ARHGAP8: variants seen among roughly 807,000 people sequenced by gnomAD.
The protein encoded by ARHGAP8 is Rho GTPase activating protein 8.
In ARHGAP8, 62 loss-of-function variants were observed where a neutral mutation model predicts 46.1. The observed-to-expected ratio is 1.34, with a 90% CI of 1.10 to 1.66. The LOEUF is 1.66. ARHGAP8 is among the 40% of genes most tolerant of loss of function. The pLI is 0.00. For missense variants in ARHGAP8, 923 were observed against 568.4 expected (o/e 1.62, Z -6.34); for synonymous variants, 375 against 243.1 (o/e 1.54, Z -5.05).
chr22:44,814,284 T>C (rs905323287), intron 4 of ARHGAP8, among the ~76,000 whole-genome samples: 1 of 152,186 alleles, frequency 6.6e-6, no homozygotes, highest in Non-Finnish European at 1.5e-5. Flanking sequence ...GTGAGCTCCT[T>C]CTAGCCCAGG....
At chr22:44,850,151 C>T (rs1013706521) in intron 10 of ARHGAP8, 2 of 152,178 alleles carry the variant, frequency 1.3e-5, no homozygotes, top group African/African-American at 4.8e-5. Flanking sequence ...ACCCCAAACT[C>T]CCCTCAAAGG....
chr22:44,756,743 T>G (rs1924714880), intron 1 of ARHGAP8, among the ~76,000 whole-genome samples: 1 of 151,912 alleles, frequency 6.6e-6, no homozygotes, highest in Admixed American at 6.6e-5. Context: ...AAAAATTATT[T>G]TTTCCTCCAG....
At chr22:44,753,225 CTTT>C (rs529491341) in intron 1 of ARHGAP8, among the ~76,000 whole-genome samples, 8 of 140,692 alleles carry the variant, frequency 5.7e-5, no homozygotes, top group Admixed American at 7.1e-5. Flanking sequence ...AAAGCAGAAA[CTTT>C]TTTTTTTTTT....
intron 2 of ARHGAP8, among the ~76,000 whole-genome samples, chr22:44,792,810 G>C (rs987783861): frequency 3.6e-5 from 5 of 138,222 alleles, no homozygotes; most frequent in Non-Finnish European, 7.7e-5. Context: ...TGGTGGTGGT[G>C]GTTTTTTTTG....
chr22:44,757,804 AATTT>A (rs1924803082), intron 1 of ARHGAP8, among the ~76,000 whole-genome samples: 1 of 65,212 alleles, frequency 1.5e-5, no homozygotes, highest in Middle Eastern at 6.0e-3. Flanking sequence ...ATGCCTGGCT[AATTT>A]TTTTTTTTTT....
rs1459599928 is a variant in ARHGAP8, at chr22:44,839,954, A to G, written c.597-5315A>G. 2.6e-5 allele frequency among the ~76,000 whole-genome samples: 4 copies of G among 152,250 alleles called. No individual in the cohort carries two copies. The East Asian group carries it at 7.7e-4, about 29-fold the overall frequency. On this transcript the variant is annotated intron_variant, in intron 7 of 11. Transcript: ENST00000356099. ...TGGTGGCTGGCTAGGATCATCCAAG[A>G]CATGCCTTATGTTCCTGCACCTCTG...
chr22:44,782,920 C>T (rs767495828), intron 1 of ARHGAP8, among the ~76,000 whole-genome samples: 4 of 152,184 alleles, frequency 2.6e-5, no homozygotes, highest in Non-Finnish European at 5.9e-5. Flanking sequence ...CGCTTTAGCA[C>T]TGAAACATCA....
rs10427697 is a variant in ARHGAP8, at chr22:44,804,700, C to A, written c.167+2536C>A. On this transcript the variant is annotated intron_variant, in intron 3 of 11. Transcript: ENST00000356099. ...AGCCAAGGGACTCAGGGAGTGGGCT[C>A]GACCTGGAACCCCCAACTCAAGATG... Among the ~76,000 whole-genome samples, 679 of 152,082 alleles carry A rather than the reference C, an allele frequency of 4.5e-3. 11 individuals are homozygous for A. The highest frequency in any genetic ancestry group is 0.016 in the African/African-American group (643 of 41,478).
chr22:44,816,241 G>A (rs909678086), intron 5 of ARHGAP8, among the ~76,000 whole-genome samples: 2 of 152,128 alleles, frequency 1.3e-5, no homozygotes, highest in African/African-American at 4.8e-5. Context: ...GTGACGCTCC[G>A]TGTACAGGGA....
At chr22:44,783,664 G>C (rs1189603096) in intron 1 of ARHGAP8, among the ~76,000 whole-genome samples, 1 of 152,174 alleles carries the variant, frequency 6.6e-6, no homozygotes, top group Non-Finnish European at 1.5e-5. Context: ...AGTGGCTGCC[G>C]CAGCAGGTCC....
intron 10 of ARHGAP8, among the ~76,000 whole-genome samples, chr22:44,851,910 G>T (rs2070103647): frequency 6.6e-6 from 1 of 151,964 alleles, no homozygotes; most frequent in Admixed American, 6.6e-5. Context: ...AAGAAAATGG[G>T]CCGGGTGCAG....
At chr22:44,845,981 A>G (rs1290833507) in intron 8 of ARHGAP8, among the ~76,000 whole-genome samples, 1 of 151,644 alleles carries the variant, frequency 6.6e-6, no homozygotes, top group Non-Finnish European at 1.5e-5. Context: ...GCTGCAGCGC[A>G]GATGCGTGGG....
At chr22:44,853,883 C>T (rs974602751) in intron 10 of ARHGAP8, among the ~76,000 whole-genome samples, 2 of 151,704 alleles carry the variant, frequency 1.3e-5, no homozygotes, top group African/African-American at 4.8e-5. Flanking sequence ...CAGAATTAGC[C>T]AGGCATGGTG....
chr22:44,860,453 C>G (rs2070418934), intron 11 of ARHGAP8, among the ~76,000 whole-genome samples: 1 of 152,038 alleles, frequency 6.6e-6, no homozygotes, highest in African/African-American at 2.4e-5. Flanking sequence ...TGTCTAATCT[C>G]CCTCCACCTT....
intron 2 of ARHGAP8, 117 bp from the exon 3 acceptor site, chr22:44,801,960 T>G: frequency 8.2e-7 from 1 of 1,214,462 alleles, no homozygotes. Context: ...CGAGGAACGC[T>G]GCTGCCTGTG....
At position 44,786,472 on chromosome 22, in the gene ARHGAP8, AGGC is replaced by A. The variant is rs764288968; in HGVS notation, c.-46_-44del. 5 of 1,605,908 alleles carry A rather than the reference AGGC, an allele frequency of 3.1e-6. No homozygotes were observed. Among genetic ancestry groups the A allele is most frequent in the East Asian group, 2.3e-5 (1 of 44,340 alleles). On this transcript the variant is annotated 5_prime_UTR_variant, in exon 2 of 12. Coordinates refer to ENST00000356099, the MANE Select transcript of ARHGAP8 (RefSeq NM_181335.3). ...TTTGCCGCAGAGCTGCAGAGAGACA[AGGC>A]GGCGGCGGCTGCTGTGCTGGGTGCA... is the stretch of plus-strand genomic sequence containing the variant.
chr22:44,839,002 G>T (rs1242655175), intron 7 of ARHGAP8, among the ~76,000 whole-genome samples: 2 of 152,194 alleles, frequency 1.3e-5, no homozygotes, highest in Non-Finnish European at 2.9e-5. Flanking sequence ...AAGGAAACTG[G>T]CCGGTGGTGA....
chr22:44,822,421 A>G lies in ARHGAP8; in HGVS notation c.437A>G (p.His146Arg). ...TATTTCAACTACCTGAGTGAGCTCC[A>G]CGAACACCTTAAATACGACCAGCTG... is the stretch of plus-strand genomic sequence containing the variant. ...VIYFNYLSEL[H>R]EHLKYDQLVI... Residue 146 changes from histidine to arginine, a missense_variant, in exon 6 of 12, where the codon CAC becomes CGC. His to Arg is a conservative substitution (Grantham distance 29, BLOSUM62 0). Coordinates refer to ENST00000356099, the MANE Select transcript of ARHGAP8 (RefSeq NM_181335.3). The G allele has an allele frequency of 1.3e-6, 2 of 1,579,570 alleles. No homozygotes were observed. Among genetic ancestry groups the G allele is most frequent in the South Asian group, 2.4e-5 (2 of 83,692 alleles).
intron 1 of ARHGAP8, among the ~76,000 whole-genome samples, chr22:44,753,659 T>C (rs2146975017): frequency 6.6e-6 from 1 of 152,210 alleles, no homozygotes; most frequent in South Asian, 2.1e-4. Context: ...TGCCACACCC[T>C]GACTTGGAAA....
Sources: allele counts gnomAD v4.1 joint callset (sites outside exome capture counted in the v4.1 genomes callset), GRCh38; gene constraint gnomAD v4.1.1; transcripts MANE v1.5; gene names NCBI Gene and HGNC (gene_info 2026-07-23, HGNC 2026-07-21).